HNF4G: variants seen among roughly 807,000 people sequenced by gnomAD.
The protein encoded by HNF4G is hepatocyte nuclear factor 4-gamma.
HNF4G carries 21 observed loss-of-function variants against 50.9 expected under a neutral mutation model. That is an observed-to-expected ratio of 0.41 (90% CI 0.29 to 0.59). The LOEUF (loss-of-function observed/expected upper bound fraction) is 0.59, where lower values mean the gene tolerates loss of function less well. HNF4G is among the 20% of genes least tolerant of loss of function. HNF4G has a pLI of 0.26. For synonymous variants in HNF4G, 198 were observed against 185.6 expected, an observed-to-expected ratio of 1.07 and a Z score of -0.54; for missense variants, 527 against 559.4, an observed-to-expected ratio of 0.94 and a Z score of 0.58.
At chr8:75,555,309 G>A (rs139648279) in intron 5 of HNF4G, among the ~76,000 whole-genome samples, 1 of 152,154 alleles carries the variant, frequency 6.6e-6, no homozygotes, top group East Asian at 1.9e-4. Flanking sequence ...GAAGATAATG[G>A]GGAAGTGTTA....
Position 75,554,006 on chromosome 8 carries a change from T to C in HNF4G, c.645+809T>C, listed in dbSNP as rs1013249229. Among the ~76,000 whole-genome samples the C allele has an allele frequency of 5.4e-4, 82 of 152,074 alleles. 2 individuals carry two copies. The highest frequency in any genetic ancestry group is 8.8e-5 in the Non-Finnish European group (6 of 68,028). Reference sequence around the variant, plus strand: ...GATGAAAATAATTGGAAAAATTCCCTTTCTCTCACCTTAAATTAACCATGG... The same window carrying C: ...GATGAAAATAATTGGAAAAATTCCCCTTCTCTCACCTTAAATTAACCATGG... On this transcript the variant is annotated intron_variant, in intron 5 of 9. Coordinates refer to ENST00000396423, the MANE Select transcript of HNF4G (RefSeq NM_004133.5).
intron 3 of HNF4G, 68 bp from the exon 4 acceptor site, chr8:75,551,320 C>T: frequency 1.1e-6 from 1 of 871,808 alleles, no homozygotes; most frequent in Non-Finnish European, 1.8e-6. Context: ...AAAAAAACTC[C>T]TTAAAATCTA....
At chr8:75,474,324 A>C (rs1812190083) in intron 1 of HNF4G, among the ~76,000 whole-genome samples, 1 of 152,220 alleles carries the variant, frequency 6.6e-6, no homozygotes, top group African/African-American at 2.4e-5. Context: ...TTAAGTGTGT[A>C]AAAACATTTA....
intron 6 of HNF4G, among the ~76,000 whole-genome samples, chr8:75,558,114 C>T (rs1341302098): frequency 1.2e-4 from 18 of 152,024 alleles, no homozygotes; most frequent in Non-Finnish European, 2.9e-5. Context: ...CCTAGAGTAT[C>T]AAAGTGCTGT....
intron 5 of HNF4G, among the ~76,000 whole-genome samples, chr8:75,555,756 A>G (rs1585954338): frequency 6.7e-6 from 1 of 148,412 alleles, no homozygotes; most frequent in South Asian, 2.1e-4. Context: ...TTCTGCTGCC[A>G]TTGTATTGAT....
Position 75,451,743 on chromosome 8 carries a change from G to A in HNF4G, c.-143-38346G>A, listed in dbSNP as rs115050418. Reference sequence around the variant, plus strand: ...CAGCACCATGATGTTTTGATTACTAGAGCTTTGTAGTAGATTTTAAAATCA... The same window carrying A: ...CAGCACCATGATGTTTTGATTACTAAAGCTTTGTAGTAGATTTTAAAATCA... On this transcript the variant is annotated intron_variant, in intron 1 of 10. Transcript: ENST00000354370. Among the ~76,000 whole-genome samples the A allele has an allele frequency of 4.3e-3, 650 of 152,236 alleles. 6 individuals carry two copies. The highest frequency in any genetic ancestry group is 0.015 in the African/African-American group (606 of 41,556).
intron 1 of HNF4G, among the ~76,000 whole-genome samples, chr8:75,473,942 C>T (rs1046525693): frequency 9.9e-5 from 15 of 150,832 alleles, no homozygotes; most frequent in East Asian, 5.9e-4. Flanking sequence ...GAGAAAAAAA[C>T]AAACGGAAAC....
intron 2 of HNF4G, among the ~76,000 whole-genome samples, chr8:75,521,548 G>A (rs1246954074): frequency 2.6e-5 from 4 of 152,024 alleles, no homozygotes; most frequent in Non-Finnish European, 5.9e-5. Flanking sequence ...ACTCTTTTTA[G>A]GATTTGGATG....
intron 1 of HNF4G, among the ~76,000 whole-genome samples, chr8:75,439,877 T>A (rs1006670423): frequency 1.3e-5 from 2 of 152,124 alleles, no homozygotes; most frequent in East Asian, 3.8e-4. Context: ...AGACTTTTTT[T>A]TATAGCAAGT....
chr8:75,540,029 A>G lies in HNF4G; in HGVS notation c.67A>G (p.Thr23Ala), dbSNP rs369885281. Residue 23 changes from threonine to alanine, a missense_variant, in exon 1 of 10, where the codon ACT (threonine) becomes GCT (alanine). Physicochemically the swap from Thr to Ala is moderately conservative, Grantham distance 58. Coordinates refer to ENST00000396423, the MANE Select transcript of HNF4G (RefSeq NM_004133.5). Reference sequence around the variant, plus strand: ...AAATTACAGTGAAGTTTTGGACCCAACTTACACAACTTTGGAGTTTGAAAC... The same window carrying G: ...AAATTACAGTGAAGTTTTGGACCCAGCTTACACAACTTTGGAGTTTGAAAC... Reference protein sequence around the residue: ...MANYSEVLDPTYTTLEFETMQ... With the variant: ...MANYSEVLDPAYTTLEFETMQ... The G allele has an allele frequency of 3.1e-6, 5 of 1,610,008 alleles. No homozygotes were observed. The highest frequency in any genetic ancestry group is 1.7e-5 in the Admixed American group (1 of 59,988).
At chr8:75,530,318 G>C (rs1432825213) in intron 2 of HNF4G, among the ~76,000 whole-genome samples, 2 of 151,958 alleles carry the variant, frequency 1.3e-5, no homozygotes, top group African/African-American at 2.4e-5. Flanking sequence ...TTTTTTAGCT[G>C]TTCTAGCACC....
At chr8:75,540,660 T>C (rs1806591732) in intron 1 of HNF4G, among the ~76,000 whole-genome samples, 1 of 152,128 alleles carries the variant, frequency 6.6e-6, no homozygotes, top group South Asian at 2.1e-4. Context: ...AAGCTGTTGG[T>C]ATTTAATTAC....
chr8:75,524,420 C>T (rs1806128342), intron 2 of HNF4G, among the ~76,000 whole-genome samples: 1 of 152,086 alleles, frequency 6.6e-6, no homozygotes. Context: ...CATGATCACT[C>T]TGTCTGATTA....
chr8:75,432,483 T>C (rs1811038315), intron 1 of HNF4G, among the ~76,000 whole-genome samples: 2 of 152,006 alleles, frequency 1.3e-5, no homozygotes, highest in South Asian at 4.1e-4. Flanking sequence ...GTATTTTTAG[T>C]AGAGATGGGG....
intron 2 of HNF4G, among the ~76,000 whole-genome samples, chr8:75,531,020 C>T (rs1806313008): frequency 6.6e-6 from 1 of 152,062 alleles, no homozygotes; most frequent in African/African-American, 2.4e-5. Context: ...TCTCGAACTC[C>T]TGACCTCAGG....
chr8:75,452,764 C>T (rs1220445687), intron 1 of HNF4G, among the ~76,000 whole-genome samples: 1 of 151,826 alleles, frequency 6.6e-6, no homozygotes, highest in Non-Finnish European at 1.5e-5. Flanking sequence ...CAATTAGTAA[C>T]TGTTTGAGCC....
intron 1 of HNF4G, among the ~76,000 whole-genome samples, chr8:75,409,795 T>C (rs549706028): frequency 2.6e-5 from 4 of 152,132 alleles, no homozygotes; most frequent in African/African-American, 9.7e-5. Flanking sequence ...CCTGTTTTTA[T>C]TTGTTTTAAA....
Position 75,453,752 on chromosome 8 carries a change from G to A in HNF4G, c.-143-36337G>A, listed in dbSNP as rs373956892. On this transcript the variant is annotated intron_variant, in intron 1 of 10. Coordinates refer to the HNF4G transcript ENST00000354370. ...ACTAAGACCTTGATCTGTCTTCTTC[G>A]TGAGCAAGTTATTTCATATCTCTGA... Among the ~76,000 whole-genome samples the A allele has an allele frequency of 1.4e-3, 207 of 152,152 alleles. 7 individuals carry two copies. In the South Asian group the frequency reaches 0.031, roughly 22 times the overall value.
intron 2 of HNF4G, among the ~76,000 whole-genome samples, chr8:75,497,534 A>G (rs1812803591): frequency 6.6e-6 from 1 of 151,992 alleles, no homozygotes; most frequent in Admixed American, 6.6e-5. Context: ...AAATACAAAA[A>G]TTAGCAGGGT....
Sources: gnomAD v4.1 joint callset for allele counts (sites outside exome capture counted in the v4.1 genomes callset) on GRCh38, gnomAD v4.1.1 for gene constraint, MANE v1.5 for transcripts, NCBI Gene and HGNC (gene_info 2026-07-23, HGNC 2026-07-21) for gene names.